MUC4: variants seen among roughly 807,000 people sequenced by gnomAD.
The protein encoded by MUC4 is mucin-4.
MUC4 carries 202 observed loss-of-function variants against 257.9 expected under a neutral mutation model. The observed-to-expected ratio is 0.78, with a 90% CI of 0.70 to 0.88. The LOEUF is 0.88. MUC4 is among the 40% of genes least tolerant of loss of function. MUC4 has a pLI of 0.00. For missense variants in MUC4, 5,976 were observed against 6,513.7 expected, an observed-to-expected ratio of 0.92 and a Z score of 2.84; for synonymous variants, 2,351 against 2,757.1, an observed-to-expected ratio of 0.85 and a Z score of 4.62.
At chr3:195,754,952 GTGTATCCATGTGTGTA>G (rs71180953) in intron 18 of MUC4, among the ~76,000 whole-genome samples, 2 of 129,282 alleles carry the variant, frequency 1.5e-5, no homozygotes, top group Non-Finnish European at 3.5e-5. Flanking sequence ...ATCCATATGT[GTGTATCCATGTGTGTA>G]TGTATCCATG....
intron 15 of MUC4, 29 bp downstream of exon 15, chr3:195,761,455 C>T (rs748267803): frequency 1.3e-6 from 2 of 1,581,686 alleles, no homozygotes; most frequent in Admixed American, 3.3e-5. Flanking sequence ...TCACCTGCCC[C>T]TCTGCCCCAG....
In MUC4 at chr3:195,782,554, A is replaced by G; in HGVS notation, c.9026T>C (p.Leu3009Pro). ...SSASIGHATS[L>P]PVTDTSSIST... Reference sequence around the variant, plus strand: ...TATTGAGGAAGTGTCGGTGACAGGAAGAGAGGTGGCGTGACCTATGGATGC... The same window carrying G: ...TATTGAGGAAGTGTCGGTGACAGGAGGAGAGGTGGCGTGACCTATGGATGC... Residue 3009 changes from leucine to proline, a missense_variant, in exon 2 of 25, where the codon CTT (leucine) becomes CCT (proline). By Grantham distance (98) the Leu-to-Pro change is moderately conservative. Around this residue, in one of 44 missense-constraint regions of MUC4, gnomAD observed 68 missense variants for 50.2 expected, o/e 1.35. Transcript: ENST00000463781. 1 of 918,280 alleles carries G rather than the reference A, an allele frequency of 1.1e-6. No individual in the cohort carries two copies. Among genetic ancestry groups the G allele is most frequent in the East Asian group, 4.6e-5 (1 of 21,520 alleles). The allele number at this position is 918,280 out of a possible 1,614,324, so 56.9% of individuals were successfully genotyped here. A position where few individuals can be genotyped will look rare whatever the true frequency, so the allele number is the denominator to read the frequency against.
At chr3:195,794,589 CG>C (rs1560409863) in intron 1 of MUC4, among the ~76,000 whole-genome samples, 1 of 152,012 alleles carries the variant, frequency 6.6e-6, no homozygotes. Flanking sequence ...GTCGAACTCC[CG>C]GCCTCAAGCG....
In MUC4 at chr3:195,783,172, A is replaced by G. The variant is rs1193400523; in HGVS notation, c.8408T>C (p.Val2803Ala). 1.4e-6 allele frequency: 2 copies of G among 1,449,588 alleles called. No homozygotes were observed. The highest frequency in any genetic ancestry group is 1.9e-6 in the Non-Finnish European group (2 of 1,063,098). 89.8% of individuals were successfully genotyped at this position (1,449,588 alleles called of 1,614,324 possible). ...ASTGHTTPLP[V>A]TDASSVSTGH... is the part of the protein sequence containing the mutation. ...TGTGGACACTGACGAAGCGTCGGTG[A>G]CAGGAAGAGGGGTGGTGTGACCTGT... Residue 2803 changes from valine to alanine, a missense_variant, in exon 2 of 25, where the codon GTC (valine) becomes GCC (alanine). Transcript: ENST00000463781.
intron 1 of MUC4, among the ~76,000 whole-genome samples, chr3:195,799,149 A>G (rs770506100): frequency 6.6e-6 from 1 of 151,854 alleles, no homozygotes; most frequent in Non-Finnish European, 1.5e-5. Flanking sequence ...TGTGGACTCC[A>G]CTGCTCCCTG....
Position 195,760,923 on chromosome 3 carries a change from C to T in MUC4, c.14809G>A (p.Glu4937Lys), listed in dbSNP as rs779610458. 7 of 1,614,078 alleles carry T rather than the reference C, an allele frequency of 4.3e-6. No individual in the cohort carries two copies. The South Asian group carries it at 7.7e-5, about 18-fold the overall frequency. The change falls in exon 16 of 25, where the codon GAA (glutamate) becomes AAA (lysine). Residue 4937 changes from glutamate to lysine, a missense_variant. By Grantham distance (56) the Glu-to-Lys change is moderately conservative (BLOSUM62 1). Around this residue, in one of 44 missense-constraint regions of MUC4, gnomAD observed 996 missense variants for 1,137.3 expected, o/e 0.88. Transcript: ENST00000463781. Reference sequence around the variant, plus strand: ...GCCTGCTCGTAGTTTTTACTGACTTCCCTCGTGTGAAGTCCGATGCTTGCG... The same window carrying T: ...GCCTGCTCGTAGTTTTTACTGACTTTCCTCGTGTGAAGTCCGATGCTTGCG... ...RNASIGLHTR[E>K]VSKNYEQANA...
At chr3:195,750,766 C>T (rs1183854662) in intron 23 of MUC4, 123 bp downstream of exon 23, 23 of 929,878 alleles carry the variant, frequency 2.5e-5, no homozygotes, top group Non-Finnish European at 3.4e-5. Flanking sequence ...AAAATGTTCA[C>T]GTTTTCGCTC....
intron 1 of MUC4, among the ~76,000 whole-genome samples, chr3:195,798,219 A>G (rs1453705344): frequency 1.3e-5 from 2 of 152,220 alleles, no homozygotes; most frequent in Non-Finnish European, 2.9e-5. Context: ...CAAAAAAAGT[A>G]CATAAAAATA....
intron 7 of MUC4, among the ~76,000 whole-genome samples, chr3:195,767,794 C>CACCCCCAACACT (rs1721609500): frequency 8.4e-6 from 1 of 119,672 alleles, no homozygotes; most frequent in African/African-American, 3.4e-5. Context: ...CCATCATTGC[C>CACCCCCAACACT]ACCACCATCA....
In MUC4 at chr3:195,780,414, A is replaced by G. The variant is rs765604406; in HGVS notation, c.11166T>C (p.Ser3722=). 620 of 1,459,768 alleles carry G rather than the reference A, an allele frequency of 4.2e-4. 15 individuals carry two copies. In the East Asian group the frequency reaches 5.1e-3, roughly 12 times the overall value. 90.4% of individuals were successfully genotyped at this position (1,459,768 alleles called of 1,614,324 possible). The part of the protein sequence containing the change: ...PLPVTSTSSV[S]TGHVTPLHVT... The stretch of plus-strand genomic sequence containing the variant: ...CATGAAGAGGGGTGACGTGACCTGT[A>G]GATACTGAGGAAGTGCTGGTGACAG... The change falls in exon 2 of 25, where the codon TCT becomes TCC. Residue 3722 remains serine (S), a synonymous_variant. Transcript: ENST00000463781.
intron 8 of MUC4, among the ~76,000 whole-genome samples, chr3:195,766,009 G>A (rs946497057): frequency 3.3e-5 from 5 of 152,130 alleles, no homozygotes; most frequent in Admixed American, 6.6e-5. Flanking sequence ...CACCCAGGCT[G>A]GAGTGCAGTG....
chr3:195,750,818 G>T (rs375068067), intron 23 of MUC4, 71 bp downstream of exon 23: 13,810 of 1,375,250 alleles, frequency 0.01, 383 homozygotes, highest in East Asian at 0.094. Context: ...TTGTTTGTGT[G>T]GGCTGAAGCA....
rs201542243 is a variant in MUC4, at chr3:195,782,071, G to A, written c.9509C>T (p.Pro3170Leu). 2.1e-6 allele frequency: 3 copies of A among 1,408,134 alleles called. No individual in the cohort carries two copies. The highest frequency in any genetic ancestry group is 2.8e-6 in the Non-Finnish European group (3 of 1,061,998). 87.2% of individuals were successfully genotyped at this position (1,408,134 alleles called of 1,614,324 possible). ...SASTGQATPL[P>L]VTSLSSVSTG... The stretch of plus-strand genomic sequence containing the variant: ...GGATACTGAGGAAAGGCTGGTGACA[G>A]GAAGAGGGGTGGCCTGACCTGTGGA... Residue 3170 changes from proline to leucine, a missense_variant, in exon 2 of 25, where the codon CCT becomes CTT. Around this residue, in one of 44 missense-constraint regions of MUC4, gnomAD observed 128 missense variants for 104.8 expected, o/e 1.22. Coordinates refer to ENST00000463781, the MANE Select transcript of MUC4 (RefSeq NM_018406.7).
rs1553887638 is a variant in MUC4, at chr3:195,791,241, T to TGTCGCCTGCGTAACA, written c.338_339insTGTTACGCAGGCGAC (p.Thr113_Ala114insValThrGlnAlaThr). ...ATGTGGTCATTTCATCTGGAGGAGC[T>TGTCGCCTGCGTAACA]GTCTCCATCACATTGTGTACACTTG... On this transcript the variant is annotated inframe_insertion, in exon 2 of 25. Coordinates refer to ENST00000463781, the MANE Select transcript of MUC4 (RefSeq NM_018406.7). 2 of 1,613,196 alleles carry TGTCGCCTGCGTAACA rather than the reference T, an allele frequency of 1.2e-6. No individual in the cohort carries two copies. The highest frequency in any genetic ancestry group is 2.2e-5 in the South Asian group (2 of 91,046).
chr3:195,746,993 C>G lies in MUC4; in HGVS notation c.*183G>C. 1 of 866,542 alleles carries G rather than the reference C, an allele frequency of 1.2e-6. No individual in the cohort carries two copies. Among genetic ancestry groups the G allele is most frequent in the South Asian group, 1.8e-5 (1 of 56,530 alleles). The allele number at this position is 866,542 out of a possible 1,614,324, so 53.7% of individuals were successfully genotyped here. A position where few individuals can be genotyped will look rare whatever the true frequency, so the allele number is the denominator to read the frequency against. On this transcript the variant is annotated 3_prime_UTR_variant, in exon 25 of 25. Transcript: ENST00000463781. ...GCATGTTTGATCTTTATGGCCTCCC[C>G]CTGTGCACCTGCGCCTATGGATAAG...
In MUC4 at chr3:195,757,373, G is replaced by A. The variant is rs2550270; in HGVS notation, c.14987-45C>T. 0.78 allele frequency: 1,209,816 copies of A among 1,545,608 alleles called. 480,094 individuals are homozygous for A. The highest frequency in any genetic ancestry group is 0.82 in the Non-Finnish European group (926,445 of 1,133,260). On this transcript the variant is annotated intron_variant, in intron 17 of 24. Transcript: ENST00000463781. The surrounding 1 kb of genome is among the most constrained non-coding windows in gnomAD (Gnocchi z 4.8). ...AATGTTGAGAGCTGGGAGACTCCTC[G>A]GCTCTGTGGTCTGATTGCTGATACG... is the stretch of plus-strand genomic sequence containing the variant.
At chr3:195,760,719 G>T (rs1577990674) in intron 16 of MUC4, among the ~76,000 whole-genome samples, 165 bp downstream of exon 16, 1 of 152,220 alleles carries the variant, frequency 6.6e-6, no homozygotes, top group East Asian at 1.9e-4. Flanking sequence ...CTGCAAGGAT[G>T]GAGAGAGCCA....
intron 1 of MUC4, among the ~76,000 whole-genome samples, chr3:195,802,250 G>A (rs1735418641): frequency 6.6e-6 from 1 of 152,116 alleles, no homozygotes; most frequent in Admixed American, 6.6e-5. Flanking sequence ...TGTCCCCTGT[G>A]TCCTAGTCAG....
At chr3:195,778,479 G>A (rs374203654) in intron 2 of MUC4, 24 bp from the exon 3 acceptor site, 94 of 1,608,042 alleles carry the variant, frequency 5.8e-5, no homozygotes, top group Middle Eastern at 5.0e-4. Context: ...AAGACAAGGC[G>A]GGGTGTTTCT....
Sources: gnomAD v4.1 joint callset for allele counts (sites outside exome capture counted in the v4.1 genomes callset) on GRCh38, gnomAD v4.1.1 for gene constraint, gnomAD v4.1.1 regional missense constraint, Gnocchi (gnomAD v3.1) non-coding constraint, MANE v1.5 for transcripts, NCBI Gene and HGNC (gene_info 2026-07-23, HGNC 2026-07-21) for gene names.